GSG1L: variants seen among roughly 807,000 people sequenced by gnomAD.
GSG1L encodes germ cell-specific gene 1-like protein.
GSG1L carries 24 observed loss-of-function variants against 42.1 expected under a neutral mutation model. The observed-to-expected ratio is 0.57, with a 90% CI of 0.41 to 0.80. The LOEUF is 0.80. GSG1L is among the 30% of genes least tolerant of loss of function. The pLI, the probability that GSG1L is intolerant of heterozygous loss-of-function variation, is 0.00. For missense variants in GSG1L, 445 were observed against 472.2 expected (o/e 0.94, Z 0.53); for synonymous variants, 215 against 203.5 (o/e 1.06, Z -0.48).
At chr16:27,888,180 C>A in intron 2 of GSG1L, 1 of 964,696 alleles carries the variant, frequency 1.0e-6, no homozygotes, top group Non-Finnish European at 1.2e-6. Context: ...CCCCCACACC[C>A]CAGGGGGTGC....
rs1171976510 is a variant in GSG1L at position 27,787,783 on chromosome 16, G to T, written c.*3587C>A. 6.6e-6 allele frequency: 1 copy of T among 152,172 alleles called. No individual in the cohort carries two copies. Among genetic ancestry groups the T allele is most frequent in the Non-Finnish European group, 1.5e-5 (1 of 68,042 alleles). The allele number at this position is 152,172 out of a possible 1,614,324, so 9.4% of individuals were successfully genotyped here. ...CACTCGCCAACTTCAGAAGGACCCTGGGTGAGAACAAGAGCTCCTAGATGC... is the reference window on the plus strand; with the variant it reads ...CACTCGCCAACTTCAGAAGGACCCTTGGTGAGAACAAGAGCTCCTAGATGC... On this transcript the variant is annotated 3_prime_UTR_variant, in exon 7 of 7. Transcript: ENST00000447459.
At chr16:27,993,299 C>A (rs567732172) in intron 1 of GSG1L, among the ~76,000 whole-genome samples, 1 of 152,216 alleles carries the variant, frequency 6.6e-6, no homozygotes, top group South Asian at 2.1e-4. Flanking sequence ...CAGGCATGCA[C>A]CACCATGCCC....
At chr16:27,969,232 C>T (rs1360925564) in intron 1 of GSG1L, among the ~76,000 whole-genome samples, 2 of 152,180 alleles carry the variant, frequency 1.3e-5, no homozygotes, top group Non-Finnish European at 2.9e-5. Context: ...AAAACGTTTT[C>T]ATCACACTGA....
At chr16:27,911,270 T>TCTCTCTCTCTCTCTCTCG (rs1567515626) in intron 2 of GSG1L, among the ~76,000 whole-genome samples, 3 of 112,694 alleles carry the variant, frequency 2.7e-5, no homozygotes, top group African/African-American at 8.9e-5. Flanking sequence ...TCTCTCGCTC[T>TCTCTCTCTCTCTCTCTCG]CTCTCTCTCT....
intron 3 of GSG1L, among the ~76,000 whole-genome samples, chr16:27,860,441 A>T (rs1378845449): frequency 6.6e-6 from 1 of 152,226 alleles, no homozygotes; most frequent in East Asian, 1.9e-4. Flanking sequence ...TCACATGGGC[A>T]GTAACTAGGG....
Position 27,888,401 on chromosome 16 carries a change from CTTCTTTCT to C in GSG1L, c.398-3771_398-3764del, listed in dbSNP as rs768689001. ...GGTTCTTTCTTTCTTTTCTTTTCTC[CTTCTTTCT>C]TTCTTTCTTTCTTTCTTTCTTTCTT... On this transcript the variant is annotated intron_variant, in intron 2 of 6. Coordinates refer to ENST00000447459, the MANE Select transcript of GSG1L (RefSeq NM_001109763.2). Among the ~76,000 whole-genome samples, 526 of 122,568 alleles carry C rather than the reference CTTCTTTCT, an allele frequency of 4.3e-3. 26 individuals carry two copies. Among genetic ancestry groups the C allele is most frequent in the African/African-American group, 7.3e-3 (199 of 27,440 alleles). The allele number at this position is 122,568 out of a possible 152,430, so 80.4% of individuals were successfully genotyped here.
At chr16:28,048,781 A>G (rs971647171) in intron 1 of GSG1L, among the ~76,000 whole-genome samples, 3 of 152,234 alleles carry the variant, frequency 2.0e-5, no homozygotes, top group Admixed American at 2.0e-4. Flanking sequence ...TAATTTTTTA[A>G]CTATGAAAAA....
At chr16:27,858,218 C>A (rs753674851) in intron 3 of GSG1L, among the ~76,000 whole-genome samples, 1 of 152,220 alleles carries the variant, frequency 6.6e-6, no homozygotes, top group African/African-American at 2.4e-5. Flanking sequence ...AGAGGATGAG[C>A]GGCCACCTTG....
intron 3 of GSG1L, among the ~76,000 whole-genome samples, chr16:27,875,804 A>G (rs897382985): frequency 6.6e-6 from 1 of 152,166 alleles, no homozygotes; most frequent in Non-Finnish European, 1.5e-5. Context: ...ACACTATTGG[A>G]AAGGAGCTCT....
At chr16:27,937,661 C>T (rs547687899) in intron 2 of GSG1L, among the ~76,000 whole-genome samples, 1 of 152,338 alleles carries the variant, frequency 6.6e-6, no homozygotes, top group Admixed American at 6.5e-5. Context: ...GGGAGCACTT[C>T]CTAAGTCCTT....
In GSG1L at chr16:27,844,967, G is replaced by A. The variant is rs2083427250; in HGVS notation, c.645C>T (p.Asp215=). Residue 215 remains aspartate (D), a synonymous_variant, in exon 4 of 7, where the codon GAC becomes GAT. Coordinates refer to ENST00000447459, the MANE Select transcript of GSG1L (RefSeq NM_001109763.2). ...GPEDWRPHSW[D]YGWSFCLAWG... ...CCACTTACCAGAAGGACCACCCGTAGTCCCAGGAATGGGGTCTCCAGTCCT... is the reference window on the plus strand; with the variant it reads ...CCACTTACCAGAAGGACCACCCGTAATCCCAGGAATGGGGTCTCCAGTCCT... 1 of 1,609,768 alleles carries A rather than the reference G, an allele frequency of 6.2e-7. No homozygotes were observed. Among genetic ancestry groups the A allele is most frequent in the African/African-American group, 1.3e-5 (1 of 74,752 alleles).
chr16:27,849,977 G>C (rs2083489922), intron 3 of GSG1L, among the ~76,000 whole-genome samples: 1 of 146,682 alleles, frequency 6.8e-6, no homozygotes. Flanking sequence ...GGAGGAAGAA[G>C]TTTGGGTGGG....
At chr16:27,834,887 T>A (rs1367906176) in intron 4 of GSG1L, among the ~76,000 whole-genome samples, 1 of 152,180 alleles carries the variant, frequency 6.6e-6, no homozygotes, top group Non-Finnish European at 1.5e-5. Context: ...TTTCATTGAT[T>A]CTATTATTTT....
chr16:27,827,532 A>C (rs1020326347), intron 5 of GSG1L, among the ~76,000 whole-genome samples: 1 of 152,100 alleles, frequency 6.6e-6, no homozygotes, highest in Non-Finnish European at 1.5e-5. Flanking sequence ...GCTGGCCCAT[A>C]GGAGCAGTTC....
Position 27,966,717 on chromosome 16 carries a change from C to T in GSG1L, c.350-3514G>A, listed in dbSNP as rs111429633. ...GCAAATCATGGCCCAACTTCTAGAC[C>T]TTTCTAACAAAGAGAGGGGGCGCAC... is the stretch of plus-strand genomic sequence containing the variant. On this transcript the variant is annotated intron_variant, in intron 1 of 6. Transcript: ENST00000447459. Among the ~76,000 whole-genome samples the T allele has an allele frequency of 1.6e-3, 238 of 152,290 alleles. 3 individuals are homozygous for T. The highest frequency in any genetic ancestry group is 5.6e-3 in the African/African-American group (231 of 41,552).
chr16:27,791,942 G>A (rs1286114642), intron 6 of GSG1L, among the ~76,000 whole-genome samples: 1 of 151,496 alleles, frequency 6.6e-6, no homozygotes, highest in Non-Finnish European at 1.5e-5. Flanking sequence ...TCCACCCCAT[G>A]CCCACCTGAC....
chr16:27,911,572 C>T (rs1289401623), intron 2 of GSG1L, among the ~76,000 whole-genome samples: 1 of 152,124 alleles, frequency 6.6e-6, no homozygotes, highest in Non-Finnish European at 1.5e-5. Context: ...CTCTTTACTC[C>T]AGGCATCTCC....
intron 3 of GSG1L, among the ~76,000 whole-genome samples, chr16:27,857,688 G>A (rs1017940706): frequency 2.0e-5 from 3 of 151,994 alleles, no homozygotes; most frequent in Admixed American, 1.3e-4. Context: ...GACACTGGGC[G>A]GACTCCCCCT....
intron 5 of GSG1L, among the ~76,000 whole-genome samples, chr16:27,817,995 C>T (rs756042870): frequency 1.1e-4 from 16 of 152,308 alleles, no homozygotes; most frequent in East Asian, 9.7e-4. Context: ...CAAGATCACC[C>T]GAGAAGCTTG....
Sources: gnomAD v4.1 joint callset for allele counts (sites outside exome capture counted in the v4.1 genomes callset) on GRCh38, gnomAD v4.1.1 for gene constraint, MANE v1.5 for transcripts, NCBI Gene and HGNC (gene_info 2026-07-23, HGNC 2026-07-21) for gene names.